The following C1QTNF3 variants were observed in gnomAD, a reference collection of about 807,000 sequenced individuals.
The protein encoded by C1QTNF3 is C1q and TNF related 3.
A neutral mutation model predicts 32.6 loss-of-function variants in C1QTNF3; 26 were observed. That is an observed-to-expected ratio of 0.80 (90% CI 0.58 to 1.11). C1QTNF3 has a LOEUF of 1.11. C1QTNF3 is among the 50% of genes least tolerant of loss of function. The pLI, the probability that C1QTNF3 is intolerant of heterozygous loss-of-function variation, is 0.00. For synonymous variants in C1QTNF3, 155 were observed against 146.0 expected (o/e 1.06, Z -0.44); for missense variants, 362 against 398.2 (o/e 0.91, Z 0.77).
At chr5:34,231,948 GTCA>G in the C1QTNF3 span, among the ~76,000 whole-genome samples, 1 of 140,608 alleles carries the variant, frequency 7.1e-6, no homozygotes, top group African/African-American at 2.7e-5. Context: ...GCCTGGAAAA[GTCA>G]CAGGCACTCA....
the C1QTNF3 span, among the ~76,000 whole-genome samples, chr5:34,076,377 A>G: frequency 6.6e-6 from 1 of 151,716 alleles, no homozygotes; most frequent in African/African-American, 2.4e-5. Flanking sequence ...TATTAAACAT[A>G]AAAGCAAAAA....
the C1QTNF3 span, among the ~76,000 whole-genome samples, chr5:34,125,601 A>C: frequency 6.6e-6 from 1 of 151,900 alleles, no homozygotes; most frequent in Non-Finnish European, 1.5e-5. Context: ...TGTGTTCTGC[A>C]AAAGTACAGC....
chr5:34,195,610 G>T, the C1QTNF3 span, among the ~76,000 whole-genome samples: 1 of 152,220 alleles, frequency 6.6e-6, no homozygotes, highest in Non-Finnish European at 1.5e-5. Flanking sequence ...GGGAGGCCGA[G>T]GCGGGTGGAT....
At chr5:34,124,638 C>T in the C1QTNF3 span, 1 of 479,798 alleles carries the variant, frequency 2.1e-6, no homozygotes, top group Non-Finnish European at 3.8e-6. Context: ...TCCCATCACA[C>T]TCCACCTCCA....
the C1QTNF3 span, among the ~76,000 whole-genome samples, chr5:34,215,471 C>T: frequency 8.5e-5 from 13 of 152,304 alleles, no homozygotes; most frequent in Non-Finnish European, 1.8e-4. Context: ...GTGGTTCTGG[C>T]CTCCAGGGAA....
At chr5:34,119,044 AC>A in the C1QTNF3 span, among the ~76,000 whole-genome samples, 1 of 152,206 alleles carries the variant, frequency 6.6e-6, no homozygotes, top group African/African-American at 2.4e-5. Context: ...GCAACAAAAA[AC>A]AAAACACAGC....
the C1QTNF3 span, among the ~76,000 whole-genome samples, chr5:34,179,961 G>A: frequency 6.6e-6 from 1 of 152,346 alleles, no homozygotes; most frequent in African/African-American, 2.4e-5. Flanking sequence ...GGTGGCTCAC[G>A]CCTAGAACCC....
Position 34,035,778 on chromosome 5 carries a change from AGCTTC to A in C1QTNF3, c.304-25_304-21del. 1.3e-6 allele frequency: 2 copies of A among 1,585,462 alleles called. No individual in the cohort carries two copies. Among genetic ancestry groups the A allele is most frequent in the Admixed American group, 3.4e-5 (2 of 57,984 alleles). On this transcript the variant is annotated intron_variant, in intron 1 of 5. Coordinates refer to ENST00000382065, the MANE Select transcript of C1QTNF3 (RefSeq NM_181435.6). Reference sequence around the variant, plus strand: ...TGGAGACTAAAAAGACAGAAAGAGAAGCTTCAGAAAAAAAGGTACTTGTGAGCAAT... The same window carrying A: ...TGGAGACTAAAAAGACAGAAAGAGAAAGAAAAAAAGGTACTTGTGAGCAAT...
At chr5:34,238,402 G>A in the C1QTNF3 span, among the ~76,000 whole-genome samples, 1 of 152,138 alleles carries the variant, frequency 6.6e-6, no homozygotes, top group Non-Finnish European at 1.5e-5. Flanking sequence ...ATCTAAGTAA[G>A]TGCTGAAAGA....
In C1QTNF3 at chr5:34,019,413, A is replaced by G. The variant is rs1198649775; in HGVS notation, c.*1170T>C. ...GAAAACTTAGAATTTAAGCATGAAC[A>G]TTACAAAGACTTAAGGTATGTGATA... On this transcript the variant is annotated 3_prime_UTR_variant, in exon 6 of 6. Transcript: ENST00000382065. 1 of 152,250 alleles carries G rather than the reference A, an allele frequency of 6.6e-6. No individual in the cohort carries two copies. The highest frequency in any genetic ancestry group is 2.4e-5 in the African/African-American group (1 of 41,476). The allele number at this position is 152,250 out of a possible 1,614,324, so 9.4% of individuals were successfully genotyped here.
chr5:34,077,104 G>A, the C1QTNF3 span, among the ~76,000 whole-genome samples: 1 of 151,656 alleles, frequency 6.6e-6, no homozygotes, highest in African/African-American at 2.4e-5. Flanking sequence ...CAAAATGCAT[G>A]GCTCTTTGGG....
the C1QTNF3 span, among the ~76,000 whole-genome samples, chr5:34,157,294 C>T: frequency 1.3e-5 from 2 of 152,138 alleles, no homozygotes; most frequent in Non-Finnish European, 2.9e-5. Context: ...GTGTTATATA[C>T]CAAACTTTCC....
At chr5:34,212,662 C>T in the C1QTNF3 span, among the ~76,000 whole-genome samples, 1 of 150,472 alleles carries the variant, frequency 6.6e-6, no homozygotes, top group Admixed American at 6.6e-5. Flanking sequence ...AAATGCTCAC[C>T]ATCACTGGCC....
the C1QTNF3 span, among the ~76,000 whole-genome samples, chr5:34,119,873 C>T: frequency 2.0e-4 from 30 of 152,122 alleles, no homozygotes; most frequent in African/African-American, 2.4e-4. Flanking sequence ...CATTTTTAAA[C>T]GCCAAATTCC....
At chr5:34,148,267 C>A in the C1QTNF3 span, among the ~76,000 whole-genome samples, 2 of 140,542 alleles carry the variant, frequency 1.4e-5, no homozygotes, top group African/African-American at 5.3e-5. Flanking sequence ...AAGGCGGCAA[C>A]GAGGCTGGGG....
At chr5:34,130,975 T>C in the C1QTNF3 span, among the ~76,000 whole-genome samples, 1 of 152,258 alleles carries the variant, frequency 6.6e-6, no homozygotes, top group Non-Finnish European at 1.5e-5. Flanking sequence ...TAACTTGATT[T>C]ATAACTTTTA....
At chr5:34,058,684 G>A in the C1QTNF3 span, among the ~76,000 whole-genome samples, 3 of 152,156 alleles carry the variant, frequency 2.0e-5, no homozygotes, top group African/African-American at 7.2e-5. Flanking sequence ...CCTTTCTCTA[G>A]GAGTGGGTCA....
Position 34,035,229 on chromosome 5 carries a change from A to G in C1QTNF3, c.415+418T>C, listed in dbSNP as rs183911483. Among the ~76,000 whole-genome samples the G allele has an allele frequency of 1.8e-4, 28 of 152,300 alleles. No individual in the cohort carries two copies. In the East Asian group the frequency reaches 5.2e-3, roughly 28 times the overall value. On this transcript the variant is annotated intron_variant, in intron 2 of 5. Transcript: ENST00000382065. Reference sequence around the variant, plus strand: ...CACTACATGGTACTGGAGCCTAAAAATGTTTCCATGAGGTCAAGAGTGGCA... The same window carrying G: ...CACTACATGGTACTGGAGCCTAAAAGTGTTTCCATGAGGTCAAGAGTGGCA...
At chr5:34,024,620 T>C (rs1447628761) in intron 4 of C1QTNF3, among the ~76,000 whole-genome samples, 1 of 152,236 alleles carries the variant, frequency 6.6e-6, no homozygotes, top group Non-Finnish European at 1.5e-5. Flanking sequence ...CAGGACCTTG[T>C]CACTAAAAGT....
Sources: allele counts gnomAD v4.1 joint callset (sites outside exome capture counted in the v4.1 genomes callset), GRCh38; gene constraint gnomAD v4.1.1; transcripts MANE v1.5; gene names NCBI Gene and HGNC (gene_info 2026-07-23, HGNC 2026-07-21).